SUPT6H: variants seen among roughly 807,000 people sequenced by gnomAD.
SUPT6H encodes SPT6 homolog, histone chaperone and transcription elongation factor.
Under a neutral mutation model 222.3 loss-of-function variants are expected in SUPT6H, and 11 were observed. The observed-to-expected ratio is 0.05, with a 90% CI of 0.03 to 0.08. SUPT6H has a LOEUF of 0.08. SUPT6H is among the 10% of genes least tolerant of loss of function. The probability of loss-of-function intolerance (pLI) is 1.00; values close to 1 mark genes in which losing one functional copy is unlikely to be tolerated. For missense variants in SUPT6H, 1,422 were observed against 2,216.0 expected (o/e 0.64, Z 7.19); for synonymous variants, 762 against 801.2 (o/e 0.95, Z 0.83).
At position 28,690,200 on chromosome 17, in the gene SUPT6H, C is replaced by T; in HGVS notation, c.3461C>T (p.Thr1154Ile). Residue 1154 changes from threonine (T) to isoleucine (I), a missense_variant, in exon 26 of 37, where the codon ACC (threonine) becomes ATC (isoleucine). Transcript: ENST00000314616. ...PNTEEIFNML[T>I]KETPETFYIG... ...ACAGAGGAGATCTTCAATATGTTAA[C>T]CAAAGAAACACCAGAGACCTTCTAC... 6.2e-7 allele frequency: 1 copy of T among 1,613,940 alleles called. No homozygotes were observed. The highest frequency in any genetic ancestry group is 8.5e-7 in the Non-Finnish European group (1 of 1,179,990).
chr17:28,676,830 G>A (rs907917264), intron 7 of SUPT6H, among the ~76,000 whole-genome samples: 1 of 152,114 alleles, frequency 6.6e-6, no homozygotes, highest in African/African-American at 2.4e-5. Context: ...AGGAGGCTGA[G>A]GTGGGAAGAT....
intron 2 of SUPT6H, 81 bp from the exon 3 acceptor site, chr17:28,674,202 T>C (rs1289652314): frequency 6.4e-7 from 1 of 1,559,422 alleles, no homozygotes; most frequent in African/African-American, 1.4e-5. Context: ...GCAGAGCAAA[T>C]GGATAATCAC....
chr17:28,679,970 G>A (rs1277277008), intron 11 of SUPT6H, among the ~76,000 whole-genome samples: 5 of 129,962 alleles, frequency 3.8e-5, no homozygotes, highest in Admixed American at 8.2e-5. Context: ...AGGCCTGGGC[G>A]ACAGAGCTAG....
At chr17:28,669,558 C>A (rs1463844463) in intron 1 of SUPT6H, among the ~76,000 whole-genome samples, 1 of 152,196 alleles carries the variant, frequency 6.6e-6, no homozygotes, top group Non-Finnish European at 1.5e-5. Context: ...AATCCCAGAA[C>A]TTTGGAAGGT....
intron 1 of SUPT6H, among the ~76,000 whole-genome samples, chr17:28,664,245 T>C (rs1356941578): frequency 1.3e-5 from 2 of 152,172 alleles, no homozygotes; most frequent in Admixed American, 1.3e-4. Context: ...CAGTGGCTCA[T>C]GCCTATAATC....
At position 28,697,087 on chromosome 17, in the gene SUPT6H, G is replaced by C; in HGVS notation, c.4209+5G>C. The C allele has an allele frequency of 6.2e-7, 1 of 1,613,164 alleles. No homozygotes were observed. The highest frequency in any genetic ancestry group is 1.1e-5 in the South Asian group (1 of 90,986). On this transcript the variant is annotated splice_donor_5th_base_variant and intron_variant, in intron 30 of 36. Transcript: ENST00000314616. ...ACTCTGTGGATCAACAGTGAGGTGAGAGCCAGTGCCTGCCCACCTCCCATC... is the reference window on the plus strand; with the variant it reads ...ACTCTGTGGATCAACAGTGAGGTGACAGCCAGTGCCTGCCCACCTCCCATC...
chr17:28,683,252 C>G lies in SUPT6H; in HGVS notation c.1879-16C>G. Reference sequence around the variant, plus strand: ...AGCCCATCCGCAGGCTCATGATTCCCCCTTCATGTGTGCAGGATGTGGATG... The same window carrying G: ...AGCCCATCCGCAGGCTCATGATTCCGCCTTCATGTGTGCAGGATGTGGATG... On this transcript the variant is annotated splice_polypyrimidine_tract_variant and intron_variant, in intron 15 of 36. Transcript: ENST00000314616. The G allele has an allele frequency of 6.8e-6, 11 of 1,612,904 alleles. No individual in the cohort carries two copies. The highest frequency in any genetic ancestry group is 9.3e-6 in the Non-Finnish European group (11 of 1,179,234).
rs2031497297 is a variant in SUPT6H at position 28,688,421 on chromosome 17, G to C, written c.3134+203G>C. The C allele has an allele frequency of 4.3e-6, 2 of 463,620 alleles. No individual in the cohort carries two copies. Among genetic ancestry groups the C allele is most frequent in the Non-Finnish European group, 6.9e-6 (2 of 288,582 alleles). The allele number at this position is 463,620 out of a possible 1,614,324, so 28.7% of individuals were successfully genotyped here. On this transcript the variant is annotated intron_variant, in intron 24 of 36. Transcript: ENST00000314616. This position sits in a 1 kb window ranked among gnomAD's most constrained non-coding sequence, Gnocchi z 4.3. ...ATCATGTGAAACATTTTTCGTGTGA[G>C]AGAAACATAAAAAGTACCAGCTTAG... is the stretch of plus-strand genomic sequence containing the variant.
At chr17:28,685,319 G>A (rs190161944) in intron 19 of SUPT6H, among the ~76,000 whole-genome samples, 1 of 152,136 alleles carries the variant, frequency 6.6e-6, no homozygotes, top group East Asian at 1.9e-4. Context: ...CTTTTTTCCA[G>A]GGAAAGAAGA....
intron 29 of SUPT6H, among the ~76,000 whole-genome samples, chr17:28,695,994 C>A (rs2031888222): frequency 6.6e-6 from 1 of 152,040 alleles, no homozygotes; most frequent in South Asian, 2.1e-4. Flanking sequence ...AAGACACCAT[C>A]TCTACAAAAA....
At chr17:28,692,245 A>AGGATCACTCGAG in intron 27 of SUPT6H, among the ~76,000 whole-genome samples, 1 of 148,182 alleles carries the variant, frequency 6.7e-6, no homozygotes, top group East Asian at 2.0e-4. Flanking sequence ...AATGGTGTGA[A>AGGATCACTCGAG]CCCGGGAGGC....
intron 27 of SUPT6H, among the ~76,000 whole-genome samples, chr17:28,693,268 C>G (rs959788428): frequency 1.3e-5 from 2 of 152,064 alleles, no homozygotes; most frequent in East Asian, 1.9e-4. Flanking sequence ...TGAGACCAGC[C>G]TGGCCAACAT....
intron 12 of SUPT6H, among the ~76,000 whole-genome samples, chr17:28,681,655 G>A (rs895989852): frequency 6.6e-6 from 1 of 151,356 alleles, no homozygotes; most frequent in Non-Finnish European, 1.5e-5. Context: ...AGTTGTTGCA[G>A]TGAGTTGAGA....
chr17:28,674,258 T>C, intron 2 of SUPT6H, 25 bp from the exon 3 acceptor site: 1 of 1,613,740 alleles, frequency 6.2e-7, no homozygotes. Flanking sequence ...TCAGTCTCCA[T>C]GCCTCAAACA....
Position 28,697,650 on chromosome 17 carries a change from C to G in SUPT6H, c.4240C>G (p.Arg1414Gly). ...EFEDLDEIVA[R>G]YVQPMASFAR... Reference sequence around the variant, plus strand: ...CGAAGATTTGGATGAGATTGTTGCTCGCTATGTCCAGCCCATGGCATCCTT... The same window carrying G: ...CGAAGATTTGGATGAGATTGTTGCTGGCTATGTCCAGCCCATGGCATCCTT... Residue 1414 changes from arginine (R) to glycine (G), a missense_variant, in exon 31 of 37, where the codon CGC (arginine) becomes GGC (glycine). By Grantham distance (125) the Arg-to-Gly change is moderately radical. Coordinates refer to ENST00000314616, the MANE Select transcript of SUPT6H (RefSeq NM_003170.5). 1 of 1,614,136 alleles carries G rather than the reference C, an allele frequency of 6.2e-7. No individual in the cohort carries two copies. Among genetic ancestry groups the G allele is most frequent in the Non-Finnish European group, 8.5e-7 (1 of 1,180,020 alleles).
In SUPT6H at chr17:28,687,436, G is replaced by T; in HGVS notation, c.2971G>T (p.Gly991Cys). ...CCAGGCCTTGATCCAGTATGTTTGT[G>T]GCCTGGGACCTCGGAAAGGGACCCA... is the stretch of plus-strand genomic sequence containing the variant. The part of the protein sequence containing the change: ...YSQALIQYVC[G>C]LGPRKGTHLL... Residue 991 changes from glycine to cysteine, a missense_variant, in exon 23 of 37, where the codon GGC becomes TGC. Gly to Cys is a radical substitution (Grantham distance 159, BLOSUM62 -3). Transcript: ENST00000314616. 6.2e-7 allele frequency: 1 copy of T among 1,614,156 alleles called. No homozygotes were observed. The highest frequency in any genetic ancestry group is 8.5e-7 in the Non-Finnish European group (1 of 1,180,044).
intron 25 of SUPT6H, 145 bp downstream of exon 25, chr17:28,689,706 G>A: frequency 2.4e-6 from 2 of 819,130 alleles, no homozygotes; most frequent in Non-Finnish European, 3.8e-6. Context: ...TGCTCTACTG[G>A]GCTCCTCAAG....
chr17:28,679,246 G>T (rs956120724), intron 11 of SUPT6H, among the ~76,000 whole-genome samples: 23 of 152,150 alleles, frequency 1.5e-4, no homozygotes, highest in African/African-American at 5.3e-4. Flanking sequence ...AGTGGCACAC[G>T]CCTGTAATCC....
chr17:28,664,594 TTTAA>T (rs1462497939), intron 1 of SUPT6H, among the ~76,000 whole-genome samples: 2 of 152,230 alleles, frequency 1.3e-5, no homozygotes, highest in Non-Finnish European at 2.9e-5. Context: ...GCCCCATGGC[TTTAA>T]TTACCACCTG....
Sources: allele counts gnomAD v4.1 joint callset (sites outside exome capture counted in the v4.1 genomes callset), GRCh38; gene constraint gnomAD v4.1.1; non-coding constraint Gnocchi (gnomAD v3.1); transcripts MANE v1.5; gene names NCBI Gene and HGNC (gene_info 2026-07-23, HGNC 2026-07-21).